CAMTA1: variants seen among roughly 807,000 people sequenced by gnomAD.
CAMTA1 encodes calmodulin binding transcription activator 1, also known as calmodulin-binding transcription activator 1.
In CAMTA1, 27 loss-of-function variants were observed where a neutral mutation model predicts 170.9. The ratio of observed to expected loss-of-function variants is 0.16; its 90% confidence interval spans 0.12 to 0.22. CAMTA1 has a LOEUF of 0.22. Among genes scored for constraint, CAMTA1 ranks in the 10% least tolerant of loss-of-function variants. The probability of loss-of-function intolerance (pLI) is 1.00; values close to 1 mark genes in which losing one functional copy is unlikely to be tolerated. For synonymous variants in CAMTA1, 833 were observed against 891.5 expected, an observed-to-expected ratio of 0.93 and a Z score of 1.17; for missense variants, 1,619 against 2,217.2, an observed-to-expected ratio of 0.73 and a Z score of 5.42.
intron 3 of CAMTA1, among the ~76,000 whole-genome samples, chr1:6,828,725 G>T (rs1052727764): frequency 1.3e-5 from 2 of 151,958 alleles, no homozygotes; most frequent in Non-Finnish European, 2.9e-5. Flanking sequence ...GTAGACAGTA[G>T]TTATTTTTTG....
chr1:6,921,639 T>C (rs1418560758), intron 3 of CAMTA1, among the ~76,000 whole-genome samples: 2 of 152,178 alleles, frequency 1.3e-5, no homozygotes, highest in Non-Finnish European at 2.9e-5. Context: ...GAGGTTTAAT[T>C]GGACTCACAG....
At chr1:6,986,948 T>C (rs1191942252) in intron 3 of CAMTA1, among the ~76,000 whole-genome samples, 2 of 152,104 alleles carry the variant, frequency 1.3e-5, no homozygotes, top group African/African-American at 2.4e-5. Context: ...GTGGTGTTTA[T>C]TGGGCCCCCA....
chr1:7,649,549 G>A (rs987039622), intron 7 of CAMTA1, among the ~76,000 whole-genome samples: 7 of 151,596 alleles, frequency 4.6e-5, no homozygotes, highest in African/African-American at 1.5e-4. Flanking sequence ...GGGTGGGCAC[G>A]GAGAGGCTGA....
intron 11 of CAMTA1, among the ~76,000 whole-genome samples, chr1:7,705,635 TC>T (rs1191158901): frequency 6.6e-6 from 1 of 151,920 alleles, no homozygotes; most frequent in Non-Finnish European, 1.5e-5. Context: ...GCCGCCTCCT[TC>T]CCGCGGCGGG....
intron 5 of CAMTA1, among the ~76,000 whole-genome samples, chr1:7,409,781 G>A (rs1264503736): frequency 6.6e-6 from 1 of 152,210 alleles, no homozygotes; most frequent in Non-Finnish European, 1.5e-5. Flanking sequence ...TTTGTTCTCA[G>A]AGGGAAACCC....
At chr1:7,205,524 T>G (rs574333666) in intron 4 of CAMTA1, among the ~76,000 whole-genome samples, 13 of 152,260 alleles carry the variant, frequency 8.5e-5, no homozygotes, top group Admixed American at 8.5e-4. Context: ...TCCTGATAGA[T>G]TGACCATTTT....
At chr1:7,174,135 G>A (rs1650254895) in intron 4 of CAMTA1, among the ~76,000 whole-genome samples, 1 of 152,178 alleles carries the variant, frequency 6.6e-6, no homozygotes, top group Admixed American at 6.5e-5. Context: ...TGCAAAGCAA[G>A]CTCTCTGGGC....
At chr1:7,414,726 T>G (rs1265747036) in intron 5 of CAMTA1, among the ~76,000 whole-genome samples, 2 of 152,170 alleles carry the variant, frequency 1.3e-5, no homozygotes, top group African/African-American at 4.8e-5. Flanking sequence ...GATTCATTAA[T>G]TTTTTGAAGG....
At chr1:7,728,822 G>A (rs1000213036) in intron 11 of CAMTA1, among the ~76,000 whole-genome samples, 2 of 152,200 alleles carry the variant, frequency 1.3e-5, no homozygotes, top group Non-Finnish European at 2.9e-5. Flanking sequence ...GGCATCTGGA[G>A]TAAAGACACC....
intron 3 of CAMTA1, among the ~76,000 whole-genome samples, chr1:7,046,948 T>C (rs981159402): frequency 6.6e-6 from 1 of 152,192 alleles, no homozygotes; most frequent in African/African-American, 2.4e-5. Context: ...GATATTTCTG[T>C]TTTTCCTCCT....
rs535243816 is a variant in CAMTA1, at chr1:7,641,115, C to T, written c.664+562C>T. On this transcript the variant is annotated intron_variant, in intron 7 of 22. Coordinates refer to ENST00000303635, the MANE Select transcript of CAMTA1 (RefSeq NM_015215.4). The surrounding 1 kb of genome is among the most constrained non-coding windows in gnomAD (Gnocchi z 4.5). ...GTGCAAATCACAGAATGCAAAACAC[C>T]GAGTGAGGCAGGGAAGCTGGGGCTG... 2.0e-5 allele frequency among the ~76,000 whole-genome samples: 3 copies of T among 152,330 alleles called. No homozygotes were observed. Among genetic ancestry groups the T allele is most frequent in the East Asian group, 1.9e-4 (1 of 5,186 alleles).
At chr1:6,871,216 T>A (rs1668315707) in intron 3 of CAMTA1, among the ~76,000 whole-genome samples, 1 of 152,198 alleles carries the variant, frequency 6.6e-6, no homozygotes, top group Non-Finnish European at 1.5e-5. Flanking sequence ...AATGTCTTTT[T>A]TTTCCCCTGT....
intron 5 of CAMTA1, chr1:7,370,051 C>T (rs182520051): frequency 6.6e-6 from 1 of 152,442 alleles, no homozygotes; most frequent in East Asian, 1.9e-4. Flanking sequence ...AGGCCCCTTG[C>T]TTACATCACG....
chr1:7,336,971 G>T (rs2083423060), intron 5 of CAMTA1, among the ~76,000 whole-genome samples: 1 of 152,236 alleles, frequency 6.6e-6, no homozygotes, highest in African/African-American at 2.4e-5. Flanking sequence ...CAGGAAGAAA[G>T]AAAATGAGGT....
chr1:7,345,256 CAGTT>C (rs150631666), intron 5 of CAMTA1, among the ~76,000 whole-genome samples: 1 of 152,346 alleles, frequency 6.6e-6, no homozygotes, highest in African/African-American at 2.4e-5. Context: ...CAATATTTCA[CAGTT>C]AGCACTTCTT....
chr1:7,700,771 ACTT>A (rs2096431063), intron 11 of CAMTA1: 1 of 152,248 alleles, frequency 6.6e-6, no homozygotes, highest in African/African-American at 2.4e-5. Flanking sequence ...GTCACATCTA[ACTT>A]CAAAGGGTAC....
rs1294685989 is a variant in CAMTA1, at chr1:6,990,799, C to CTA, written c.235-100504_235-100503insAT. Among the ~76,000 whole-genome samples the CTA allele has an allele frequency of 7.1e-4, 92 of 129,180 alleles. 1 individual carries two copies. The South Asian group carries it at 9.6e-3, about 13-fold the overall frequency. The allele number at this position is 129,180 out of a possible 152,430, so 84.7% of individuals were successfully genotyped here. A position where few individuals can be genotyped will look rare whatever the true frequency, so the allele number is the denominator to read the frequency against. On this transcript the variant is annotated intron_variant, in intron 3 of 22. Transcript: ENST00000303635. Reference sequence around the variant, plus strand: ...TCTCTCTCTCTGTCTCTCTCTCTCTCTCTCTCTATATATATATATATTTAT... The same window carrying CTA: ...TCTCTCTCTCTGTCTCTCTCTCTCTCTATCTCTCTATATATATATATATTTAT...
At chr1:7,316,024 C>G (rs1273273587) in intron 5 of CAMTA1, among the ~76,000 whole-genome samples, 1 of 152,214 alleles carries the variant, frequency 6.6e-6, no homozygotes, top group Non-Finnish European at 1.5e-5. Context: ...CTTGGACCTT[C>G]TCACATGGTG....
intron 4 of CAMTA1, among the ~76,000 whole-genome samples, chr1:7,243,446 G>A (rs1024679672): frequency 6.6e-6 from 1 of 152,124 alleles, no homozygotes; most frequent in African/African-American, 2.4e-5. Flanking sequence ...TTCTACATAT[G>A]GCTAGCCAGT....
Sources: allele counts gnomAD v4.1 joint callset (sites outside exome capture counted in the v4.1 genomes callset), GRCh38; gene constraint gnomAD v4.1.1; non-coding constraint Gnocchi (gnomAD v3.1); transcripts MANE v1.5; gene names NCBI Gene and HGNC (gene_info 2026-07-23, HGNC 2026-07-21).